RBFOX1: variants seen among roughly 807,000 people sequenced by gnomAD.
RBFOX1 encodes the protein RNA binding fox-1 homolog 1.
Under a neutral mutation model 57.7 loss-of-function variants are expected in RBFOX1, and 8 were observed. The ratio of observed to expected loss-of-function variants is 0.14; its 90% confidence interval spans 0.08 to 0.25. The LOEUF (loss-of-function observed/expected upper bound fraction) is 0.25. RBFOX1 is among the 10% of genes least tolerant of loss of function. RBFOX1 has a pLI of 1.00. For missense variants in RBFOX1, 611 were observed against 548.5 expected (o/e 1.11, Z -1.14); for synonymous variants, 326 against 222.4 (o/e 1.47, Z -4.15).
At chr16:6,184,071 G>C (rs944484444) in intron 1 of RBFOX1, among the ~76,000 whole-genome samples, 1 of 152,190 alleles carries the variant, frequency 6.6e-6, no homozygotes, top group Non-Finnish European at 1.5e-5. Context: ...GCAGGCAAGA[G>C]AAAGAGACAA....
chr16:6,009,816 C>CTCTGTGTGTGTGTGTGTGTGTGTGTGTG (rs1555469438), intron 4 of RBFOX1, among the ~76,000 whole-genome samples: 56 of 148,532 alleles, frequency 3.8e-4, no homozygotes, highest in Middle Eastern at 3.4e-3. Flanking sequence ...GTGTGTGTGT[C>CTCTGTGTGTGTGTGTGTGTGTGTGTGTG]TGTGTGTGTG....
At chr16:7,672,966 A>ACT (rs2072046748) in intron 13 of RBFOX1, among the ~76,000 whole-genome samples, 1 of 151,642 alleles carries the variant, frequency 6.6e-6, no homozygotes, top group Non-Finnish European at 1.5e-5. Flanking sequence ...AATAAGATTT[A>ACT]AGTTGTATGT....
At chr16:5,292,825 A>G (rs2063568095) in intron 1 of RBFOX1, among the ~76,000 whole-genome samples, 4 of 151,952 alleles carry the variant, frequency 2.6e-5, no homozygotes, top group Admixed American at 6.5e-5. Context: ...GGGTTTCACC[A>G]TGTTAGCCAG....
chr16:7,528,199 C>T (rs752180934), intron 5 of RBFOX1, among the ~76,000 whole-genome samples: 1 of 152,188 alleles, frequency 6.6e-6, no homozygotes, highest in Non-Finnish European at 1.5e-5. Context: ...GCTTCACTGG[C>T]TTATTTCCAT....
intron 3 of RBFOX1, among the ~76,000 whole-genome samples, chr16:6,970,432 A>G (rs1255925844): frequency 1.3e-5 from 2 of 152,142 alleles, no homozygotes; most frequent in Non-Finnish European, 2.9e-5. Context: ...TGCTACATCA[A>G]GATACCTTAG....
At chr16:6,844,818 T>C (rs2093674014) in intron 3 of RBFOX1, among the ~76,000 whole-genome samples, 2 of 152,208 alleles carry the variant, frequency 1.3e-5, no homozygotes, top group Admixed American at 6.5e-5. Flanking sequence ...GTAAAAATGT[T>C]GCTTTTTCTC....
At chr16:5,673,653 G>T (rs1013133339) in intron 3 of RBFOX1, among the ~76,000 whole-genome samples, 1 of 152,202 alleles carries the variant, frequency 6.6e-6, no homozygotes, top group Non-Finnish European at 1.5e-5. Context: ...CCACATTGCA[G>T]TTCTTTTCCA....
At chr16:6,577,744 A>G (rs1468849810) in intron 2 of RBFOX1, among the ~76,000 whole-genome samples, 1 of 152,214 alleles carries the variant, frequency 6.6e-6, no homozygotes, top group Non-Finnish European at 1.5e-5. Flanking sequence ...GACACACCCT[A>G]CTATCACCAA....
rs144024358 is a variant in RBFOX1, at chr16:6,478,535, A to C, written c.-64+161478A>C. 5.6e-3 allele frequency among the ~76,000 whole-genome samples: 836 copies of C among 148,314 alleles called. 32 individuals carry two copies. In the East Asian group the frequency reaches 0.12, roughly 21 times the overall value. On this transcript the variant is annotated intron_variant, in intron 2 of 15. Coordinates refer to ENST00000550418, the MANE Select transcript of RBFOX1 (RefSeq NM_018723.4). ...GTGATTCACTTGCCTTGGCCTCCCA[A>C]AATGCTGGGATTACAGGCGCTGTCC...
chr16:6,235,184 G>T (rs2097496038), intron 1 of RBFOX1, among the ~76,000 whole-genome samples: 1 of 152,084 alleles, frequency 6.6e-6, no homozygotes, highest in African/African-American at 2.4e-5. Context: ...TTCTAAGAGT[G>T]CAGGGCTCTG....
intron 4 of RBFOX1, among the ~76,000 whole-genome samples, chr16:5,873,017 G>A (rs898929176): frequency 6.6e-6 from 1 of 152,026 alleles, no homozygotes; most frequent in Non-Finnish European, 1.5e-5. Flanking sequence ...TGGGTGTGGT[G>A]GCACGCACCT....
chr16:6,911,937 A>G (rs548676821), intron 3 of RBFOX1, among the ~76,000 whole-genome samples: 2 of 152,314 alleles, frequency 1.3e-5, no homozygotes, highest in Admixed American at 1.3e-4. Flanking sequence ...GATTTGGGCA[A>G]TACTTGGTTC....
intron 5 of RBFOX1, among the ~76,000 whole-genome samples, chr16:7,560,074 C>G (rs1287667978): frequency 6.6e-6 from 1 of 152,208 alleles, no homozygotes; most frequent in East Asian, 1.9e-4. Flanking sequence ...GCCCAGAAAT[C>G]TGGGTGTTCC....
chr16:6,171,962 C>T (rs891821480), intron 1 of RBFOX1, among the ~76,000 whole-genome samples: 2 of 152,066 alleles, frequency 1.3e-5, no homozygotes, highest in Admixed American at 1.3e-4. Context: ...GCTGGGATTA[C>T]AGGTGCATGC....
chr16:6,493,893 C>CT (rs1328751439), intron 2 of RBFOX1, among the ~76,000 whole-genome samples: 2 of 152,242 alleles, frequency 1.3e-5, no homozygotes, highest in African/African-American at 4.8e-5. Flanking sequence ...AAGAAATCAT[C>CT]TTTTTTTATT....
At chr16:5,445,544 T>C (rs2068215815) in intron 1 of RBFOX1, among the ~76,000 whole-genome samples, 1 of 152,228 alleles carries the variant, frequency 6.6e-6, no homozygotes, top group Admixed American at 6.5e-5. Flanking sequence ...ACTTGTAGCA[T>C]TGGACACCCA....
At chr16:7,190,461 C>T (rs1000633354) in intron 4 of RBFOX1, among the ~76,000 whole-genome samples, 5 of 152,294 alleles carry the variant, frequency 3.3e-5, no homozygotes, top group African/African-American at 1.2e-4. Context: ...TCCACAAATT[C>T]CCAACAGGTA....
chr16:7,385,265 AG>A (rs1880416850), intron 4 of RBFOX1, among the ~76,000 whole-genome samples: 1 of 152,190 alleles, frequency 6.6e-6, no homozygotes, highest in African/African-American at 2.4e-5. Flanking sequence ...GCCCAGGAGA[AG>A]AAGGCAGGAG....
At chr16:6,392,340 ATTGT>A (rs2092641682) in intron 2 of RBFOX1, among the ~76,000 whole-genome samples, 1 of 152,178 alleles carries the variant, frequency 6.6e-6, no homozygotes, top group Non-Finnish European at 1.5e-5. Flanking sequence ...TTTCTAGGTA[ATTGT>A]TTGTCTCCTG....
Sources: gnomAD v4.1 joint callset for allele counts (sites outside exome capture counted in the v4.1 genomes callset) on GRCh38, gnomAD v4.1.1 for gene constraint, MANE v1.5 for transcripts, NCBI Gene and HGNC (gene_info 2026-07-23, HGNC 2026-07-21) for gene names.